FRK: variants seen among roughly 807,000 people sequenced by gnomAD.
The protein encoded by FRK is tyrosine-protein kinase FRK.
A neutral mutation model predicts 56.4 loss-of-function variants in FRK; 51 were observed. That is an observed-to-expected ratio of 0.90 (90% CI 0.72 to 1.14). The LOEUF (loss-of-function observed/expected upper bound fraction) is 1.14, where lower values mean the gene tolerates loss of function less well. Ranked by LOEUF, FRK falls within the 50% of genes most tolerant of loss-of-function variation. The pLI is 0.00. For missense variants in FRK, 570 were observed against 601.4 expected (o/e 0.95, Z 0.55); for synonymous variants, 245 against 217.9 (o/e 1.12, Z -1.10).
intron 2 of FRK, among the ~76,000 whole-genome samples, chr6:115,986,158 A>G (rs1342771062): frequency 6.6e-6 from 1 of 151,972 alleles, no homozygotes; most frequent in Non-Finnish European, 1.5e-5. Flanking sequence ...CTTACTCAGG[A>G]TGTGGCCAAA....
chr6:115,958,773 G>GA (rs1773195807), intron 4 of FRK, among the ~76,000 whole-genome samples: 3 of 68,024 alleles, frequency 4.4e-5, no homozygotes, highest in African/African-American at 5.6e-5. Context: ...GAAAGAGGGG[G>GA]GGGAAGGAGA....
chr6:116,091,126 A>T, the FRK span, among the ~76,000 whole-genome samples: 1 of 152,218 alleles, frequency 6.6e-6, no homozygotes, highest in East Asian at 1.9e-4. Flanking sequence ...TTCCTGGGTC[A>T]TGTGGGGACT....
chr6:116,004,832 G>A (rs1350552221), intron 1 of FRK, among the ~76,000 whole-genome samples: 3 of 152,248 alleles, frequency 2.0e-5, no homozygotes, highest in South Asian at 4.2e-4. Flanking sequence ...AGGAAGCTGA[G>A]AATTCCTGCT....
At chr6:116,099,938 C>T in the FRK span, among the ~76,000 whole-genome samples, 11 of 152,356 alleles carry the variant, frequency 7.2e-5, no homozygotes, top group Admixed American at 7.2e-4. Flanking sequence ...TAGTCCTTCA[C>T]ATCCGGAAAT....
At chr6:116,067,765 C>T in the FRK span, among the ~76,000 whole-genome samples, 1 of 152,120 alleles carries the variant, frequency 6.6e-6, no homozygotes, top group Non-Finnish European at 1.5e-5. Context: ...AGTGAAATAT[C>T]TCTAAAGATT....
chr6:116,079,903 T>A, the FRK span, among the ~76,000 whole-genome samples: 2 of 152,124 alleles, frequency 1.3e-5, no homozygotes, highest in Non-Finnish European at 2.9e-5. Context: ...TCTAAGATTA[T>A]GAAAATAGTA....
In FRK at chr6:115,948,770, A is replaced by G. The variant is rs1226280894; in HGVS notation, c.959-4345T>C. Among the ~76,000 whole-genome samples, 4 of 152,084 alleles carry G rather than the reference A, an allele frequency of 2.6e-5. No individual in the cohort carries two copies. The East Asian group carries it at 7.7e-4, about 29-fold the overall frequency. On this transcript the variant is annotated intron_variant, in intron 5 of 7. Transcript: ENST00000606080. ...TTAGCAAGTTCCATGTTTTATCTTG[A>G]TTAGATAGGAGCAATGATAATCTTT...
At chr6:116,074,910 G>C in the FRK span, among the ~76,000 whole-genome samples, 1 of 152,088 alleles carries the variant, frequency 6.6e-6, no homozygotes, top group South Asian at 2.1e-4. Context: ...TTTATGCCTT[G>C]ACATTATGGC....
At chr6:116,065,451 A>T (rs753296264), upstream of FRK, among the ~76,000 whole-genome samples, 4 of 152,220 alleles carry the variant, frequency 2.6e-5, no homozygotes, top group Non-Finnish European at 5.9e-5. Context: ...TATAATCTGC[A>T]AATGTGCACT....
chr6:116,086,986 G>A, the FRK span, among the ~76,000 whole-genome samples: 4 of 152,198 alleles, frequency 2.6e-5, no homozygotes, highest in South Asian at 2.1e-4. Context: ...ACTTGATGTC[G>A]TTTCTAAAGG....
Position 116,050,392 on chromosome 6 carries a change from C to A in FRK, c.344+9576G>T, listed in dbSNP as rs569632560. 4.3e-4 allele frequency among the ~76,000 whole-genome samples: 66 copies of A among 152,306 alleles called. 1 individual carries two copies. The highest frequency in any genetic ancestry group is 1.5e-3 in the African/African-American group (62 of 41,572). On this transcript the variant is annotated intron_variant, in intron 1 of 7. Coordinates refer to ENST00000606080, the MANE Select transcript of FRK (RefSeq NM_002031.3). ...CTTTATTCCCAAACTAATCTTCCAT[C>A]TTTCTCAATAAGATTTATTAAATAC...
chr6:116,050,723 T>G (rs893613948), intron 1 of FRK, among the ~76,000 whole-genome samples: 1 of 152,204 alleles, frequency 6.6e-6, no homozygotes, highest in African/African-American at 2.4e-5. Flanking sequence ...AATTTTCATA[T>G]CTCCCACTAC....
At chr6:116,092,810 C>A in the FRK span, among the ~76,000 whole-genome samples, 1 of 152,124 alleles carries the variant, frequency 6.6e-6, no homozygotes, top group Non-Finnish European at 1.5e-5. Flanking sequence ...AAATCATGGG[C>A]AGATTTTTCT....
upstream of FRK, among the ~76,000 whole-genome samples, chr6:116,064,407 G>T: frequency 6.6e-6 from 1 of 152,208 alleles, no homozygotes. Context: ...ATAAATATTT[G>T]ATGAATTAAA....
chr6:115,953,179 CA>C (rs1562253504), intron 5 of FRK, among the ~76,000 whole-genome samples: 2 of 69,398 alleles, frequency 2.9e-5, no homozygotes, highest in African/African-American at 9.3e-5. Context: ...ATTTTAAGGC[CA>C]TTTTTTTTTT....
At chr6:115,953,702 A>G (rs1310550962) in intron 5 of FRK, among the ~76,000 whole-genome samples, 1 of 152,206 alleles carries the variant, frequency 6.6e-6, no homozygotes, top group Non-Finnish European at 1.5e-5. Context: ...CTCAATGTCA[A>G]AGGTGTTAGC....
intron 1 of FRK, among the ~76,000 whole-genome samples, chr6:116,049,418 A>G (rs1460091437): frequency 6.6e-6 from 1 of 152,216 alleles, no homozygotes; most frequent in Non-Finnish European, 1.5e-5. Context: ...CTGCTCCAGG[A>G]AATTTACAAT....
chr6:116,045,151 T>C (rs978357552), intron 1 of FRK, among the ~76,000 whole-genome samples: 3 of 152,126 alleles, frequency 2.0e-5, no homozygotes, highest in African/African-American at 7.2e-5. Context: ...AAAATGGCCA[T>C]ACTGCCCAAA....
chr6:116,013,201 G>A (rs1238461231), intron 1 of FRK, among the ~76,000 whole-genome samples: 5 of 152,076 alleles, frequency 3.3e-5, no homozygotes, highest in Non-Finnish European at 5.9e-5. Flanking sequence ...AAAGAATCTT[G>A]TTATAGTCTG....
Sources: allele counts gnomAD v4.1 joint callset (sites outside exome capture counted in the v4.1 genomes callset), GRCh38; gene constraint gnomAD v4.1.1; transcripts MANE v1.5; gene names NCBI Gene and HGNC (gene_info 2026-07-23, HGNC 2026-07-21).